Variants in MRPL35 observed in about 807,000 individuals in gnomAD.
MRPL35 encodes mitochondrial ribosomal protein L35, also known as large ribosomal subunit protein bL35m.
A neutral mutation model predicts 21.6 loss-of-function variants in MRPL35; 18 were observed. The observed-to-expected ratio is 0.83, with a 90% CI of 0.58 to 1.24. The LOEUF (loss-of-function observed/expected upper bound fraction) is 1.24. MRPL35 is among the 50% of genes most tolerant of loss of function. The pLI is 0.00. For synonymous variants in MRPL35, 87 were observed against 86.9 expected (o/e 1.00, Z -0.01); for missense variants, 223 against 223.2 (o/e 1.00, Z 0.01).
In MRPL35 at chr2:86,207,329, TGAG is replaced by T. The variant is rs1673821765; in HGVS notation, c.378+3_378+5del. The T allele has an allele frequency of 6.2e-7, 1 of 1,611,116 alleles. No individual in the cohort carries two copies. Among genetic ancestry groups the T allele is most frequent in the Non-Finnish European group, 8.5e-7 (1 of 1,178,844 alleles). On this transcript the variant is annotated splice_donor_5th_base_variant and intron_variant, in intron 3 of 3. Transcript: ENST00000337109. ...TGTGGCCTTTGGGTGAGGAGAAAGGTGAGTCTTCACACTGTTACTAAATTGAAA... is the reference window on the plus strand; with the variant it reads ...TGTGGCCTTTGGGTGAGGAGAAAGGTTCTTCACACTGTTACTAAATTGAAA...
intron 1 of MRPL35, among the ~76,000 whole-genome samples, chr2:86,202,929 A>G (rs1673717754): frequency 6.6e-6 from 1 of 151,690 alleles, no homozygotes; most frequent in African/African-American, 2.4e-5. Context: ...ACCTCAGGTG[A>G]TCCGCCGGGG....
intron 1 of MRPL35, among the ~76,000 whole-genome samples, chr2:86,200,771 C>T (rs1315964241): frequency 6.6e-6 from 1 of 152,088 alleles, no homozygotes; most frequent in African/African-American, 2.4e-5. Context: ...CTCCTCCTCC[C>T]AGGTTTAAGT....
chr2:86,211,556 G>C lies in MRPL35; in HGVS notation c.*888G>C, dbSNP rs1247790689. 1 of 985,328 alleles carries C rather than the reference G, an allele frequency of 1.0e-6. No individual in the cohort carries two copies. Among genetic ancestry groups the C allele is most frequent in the Non-Finnish European group, 1.2e-6 (1 of 829,946 alleles). 61.0% of individuals were successfully genotyped at this position (985,328 alleles called of 1,614,324 possible). On this transcript the variant is annotated 3_prime_UTR_variant, in exon 4 of 4. Transcript: ENST00000337109. ...GTGTTCATAACACTTGTCATTTACT[G>C]TAACAACATTTTTTCATAGGAGAGT...
intron 1 of MRPL35, among the ~76,000 whole-genome samples, 168 bp downstream of exon 1, chr2:86,199,701 A>C (rs1019733849): frequency 6.6e-6 from 1 of 152,222 alleles, no homozygotes; most frequent in African/African-American, 2.4e-5. Flanking sequence ...GCCCGTACCA[A>C]GTCCCCCGAC....
intron 1 of MRPL35, among the ~76,000 whole-genome samples, chr2:86,200,462 A>G (rs1673663584): frequency 6.6e-6 from 1 of 152,148 alleles, no homozygotes; most frequent in Non-Finnish European, 1.5e-5. Flanking sequence ...CCCCCCAGAT[A>G]TAAACACTGT....
At chr2:86,209,287 CAT>C (rs2103915295) in intron 3 of MRPL35, among the ~76,000 whole-genome samples, 1 of 152,278 alleles carries the variant, frequency 6.6e-6, no homozygotes, top group African/African-American at 2.4e-5. Context: ...GATACTAAGA[CAT>C]GTCAGAAATG....
rs1244914911 is a variant in MRPL35, at chr2:86,211,796, T to A, written c.*1128T>A. 1 of 984,822 alleles carries A rather than the reference T, an allele frequency of 1.0e-6. No individual in the cohort carries two copies. Among genetic ancestry groups the A allele is most frequent in the Non-Finnish European group, 1.2e-6 (1 of 829,476 alleles). The allele number at this position is 984,822 out of a possible 1,614,324, so 61.0% of individuals were successfully genotyped here. On this transcript the variant is annotated 3_prime_UTR_variant, in exon 4 of 4. Coordinates refer to ENST00000337109, the MANE Select transcript of MRPL35 (RefSeq NM_016622.4). ...GGTCCTCCTGCCTCAGCTTACTGAG[T>A]AAGGATATGTATTTCTTAAAAGTTA...
intron 3 of MRPL35, among the ~76,000 whole-genome samples, chr2:86,210,003 T>C (rs1673870084): frequency 6.6e-6 from 1 of 152,162 alleles, no homozygotes; most frequent in Admixed American, 6.5e-5. Flanking sequence ...TGAGACCCTG[T>C]CTCAAAATGA....
chr2:86,199,587 G>A (rs1673644882), intron 1 of MRPL35, 54 bp downstream of exon 1: 5 of 1,607,468 alleles, frequency 3.1e-6, no homozygotes, highest in Admixed American at 3.3e-5. Flanking sequence ...GGAAACTGGT[G>A]CGGGATGGAA....
At position 86,212,421 on chromosome 2, in the gene MRPL35, C is replaced by T; in HGVS notation, c.*1753C>T. The T allele has an allele frequency of 6.2e-7, 1 of 1,613,958 alleles. No individual in the cohort carries two copies. Among genetic ancestry groups the T allele is most frequent in the Non-Finnish European group, 8.5e-7 (1 of 1,179,926 alleles). The stretch of plus-strand genomic sequence containing the variant: ...GATGGATTTTCATTTCTTCGCACTT[C>T]TGAGACGGCAAAGCCAACCACTTAG... On this transcript the variant is annotated 3_prime_UTR_variant, in exon 4 of 4. Coordinates refer to ENST00000337109, the MANE Select transcript of MRPL35 (RefSeq NM_016622.4).
chr2:86,200,015 ATTTAATT>A (rs566002018), intron 1 of MRPL35, among the ~76,000 whole-genome samples: 129 of 152,310 alleles, frequency 8.5e-4, no homozygotes, highest in African/African-American at 2.9e-3. Context: ...TTGAAGGCTA[ATTTAATT>A]TTTAACTACA....
intron 1 of MRPL35, among the ~76,000 whole-genome samples, chr2:86,199,762 T>G (rs916694490): frequency 2.0e-5 from 3 of 152,098 alleles, no homozygotes; most frequent in Admixed American, 6.5e-5. Context: ...CCTTACCAGC[T>G]TTTTTTCCCT....
Position 86,212,220 on chromosome 2 carries a change from T to C in MRPL35, c.*1552T>C. ...GTTCTGCAGCATGTCAGGCCAGGAT[T>C]ATTAGGGAGATTCCTCGAAACTAGT... On this transcript the variant is annotated 3_prime_UTR_variant, in exon 4 of 4. Coordinates refer to ENST00000337109, the MANE Select transcript of MRPL35 (RefSeq NM_016622.4). 1 of 1,347,522 alleles carries C rather than the reference T, an allele frequency of 7.4e-7. No individual in the cohort carries two copies. The highest frequency in any genetic ancestry group is 9.5e-7 in the Non-Finnish European group (1 of 1,049,020). 83.5% of individuals were successfully genotyped at this position (1,347,522 alleles called of 1,614,324 possible). A position where few individuals can be genotyped will look rare whatever the true frequency, so the allele number is the denominator to read the frequency against.
chr2:86,212,101 A>G lies in MRPL35; in HGVS notation c.*1433A>G. 1 of 1,161,498 alleles carries G rather than the reference A, an allele frequency of 8.6e-7. No homozygotes were observed. The highest frequency in any genetic ancestry group is 1.1e-6 in the Non-Finnish European group (1 of 939,428). 71.9% of individuals were successfully genotyped at this position (1,161,498 alleles called of 1,614,324 possible). ...ACTTTGAAAACCATTATTAAATAGA[A>G]TTATGCATGAATTACTGTTTCAGAT... On this transcript the variant is annotated 3_prime_UTR_variant, in exon 4 of 4. Coordinates refer to ENST00000337109, the MANE Select transcript of MRPL35 (RefSeq NM_016622.4).
intron 2 of MRPL35, 103 bp from the exon 3 acceptor site, chr2:86,207,080 C>T (rs1673812666): frequency 8.6e-7 from 1 of 1,162,158 alleles, no homozygotes; most frequent in Non-Finnish European, 1.2e-6. Context: ...AAAGTTAGTT[C>T]CAGTCCATTG....
rs1172371610 is a variant in MRPL35 at position 86,212,142 on chromosome 2, T to C, written c.*1474T>C. The C allele has an allele frequency of 2.6e-5, 33 of 1,258,288 alleles. No individual in the cohort carries two copies. The highest frequency in any genetic ancestry group is 3.1e-5 in the Non-Finnish European group (31 of 999,024). The allele number at this position is 1,258,288 out of a possible 1,614,324, so 77.9% of individuals were successfully genotyped here. On this transcript the variant is annotated 3_prime_UTR_variant, in exon 4 of 4. Coordinates refer to ENST00000337109, the MANE Select transcript of MRPL35 (RefSeq NM_016622.4). Reference sequence around the variant, plus strand: ...TGTTTCAGATCCTTTAATGTGGTAGTTGGTAATAATAAGATGAAATTCCTC... The same window carrying C: ...TGTTTCAGATCCTTTAATGTGGTAGCTGGTAATAATAAGATGAAATTCCTC...
At position 86,206,442 on chromosome 2, in the gene MRPL35, C is replaced by T. The variant is rs372809333; in HGVS notation, c.233+147C>T. The T allele has an allele frequency of 7.0e-5, 51 of 729,718 alleles. No individual in the cohort carries two copies. In the African/African-American group the frequency reaches 7.8e-4, roughly 11 times the overall value. The allele number at this position is 729,718 out of a possible 1,614,324, so 45.2% of individuals were successfully genotyped here. A position where few individuals can be genotyped will look rare whatever the true frequency, so the allele number is the denominator to read the frequency against. On this transcript the variant is annotated intron_variant, in intron 2 of 3. Coordinates refer to ENST00000337109, the MANE Select transcript of MRPL35 (RefSeq NM_016622.4). ...CCACCTCCGGGGTTCAAGCAATTCT[C>T]CTGCCTCAGCCTCCTAAGTAGCTGG... is the stretch of plus-strand genomic sequence containing the variant.
chr2:86,207,377 G>T (rs374605996), intron 3 of MRPL35, 50 bp downstream of exon 3: 8 of 1,582,066 alleles, frequency 5.1e-6, no homozygotes, highest in African/African-American at 4.1e-5. Context: ...GAGGCCGGGC[G>T]TGGTGGCTCA....
At position 86,210,705 on chromosome 2, in the gene MRPL35, G is replaced by T. The variant is rs1673888279; in HGVS notation, c.*37G>T. On this transcript the variant is annotated 3_prime_UTR_variant, in exon 4 of 4. Transcript: ENST00000337109. ...CACTTGTTTCTCAGTTATTGGATAT[G>T]TATCTTTGTGTACATATCTTTGCAA... 1.3e-6 allele frequency: 2 copies of T among 1,575,630 alleles called. No individual in the cohort carries two copies. Among genetic ancestry groups the T allele is most frequent in the Non-Finnish European group, 1.7e-6 (2 of 1,161,306 alleles).
Sources: allele counts gnomAD v4.1 joint callset (sites outside exome capture counted in the v4.1 genomes callset), GRCh38; gene constraint gnomAD v4.1.1; transcripts MANE v1.5; gene names NCBI Gene and HGNC (gene_info 2026-07-23, HGNC 2026-07-21).